The following UNC13B variants were observed in gnomAD, a reference collection of about 807,000 sequenced individuals.
UNC13B encodes protein unc-13 homolog B.
In UNC13B, 144 loss-of-function variants were observed where a neutral mutation model predicts 211.0. That is an observed-to-expected ratio of 0.68 (90% CI 0.60 to 0.78). The LOEUF (loss-of-function observed/expected upper bound fraction) is 0.78, where lower values mean the gene tolerates loss of function less well. Ranked by LOEUF, UNC13B falls within the 30% of genes least tolerant of loss-of-function variation. UNC13B has a pLI of 0.00. For synonymous variants in UNC13B, 709 were observed against 725.8 expected (o/e 0.98, Z 0.37); for missense variants, 1,777 against 2,002.0 (o/e 0.89, Z 2.14).
At position 35,323,605 on chromosome 9, in the gene UNC13B, G is replaced by A. The variant is rs183980879; in HGVS notation, c.9414+9616G>A. Among the ~76,000 whole-genome samples the A allele has an allele frequency of 2.2e-4, 34 of 152,180 alleles. No individual in the cohort carries two copies. The East Asian group carries it at 4.4e-3, about 20-fold the overall frequency. ...CCCTTGTTCTCAACAGACTGTTTTC[G>A]CCTTCTGAGAAACTGCAGTGCCTTT... On this transcript the variant is annotated intron_variant, in intron 11 of 39. Coordinates refer to ENST00000635942, the MANE Select transcript of UNC13B (RefSeq NM_001371189.2).
chr9:35,349,792 C>T (rs908026439), intron 11 of UNC13B, among the ~76,000 whole-genome samples: 2 of 152,188 alleles, frequency 1.3e-5, no homozygotes, highest in African/African-American at 4.8e-5. Context: ...CTGGTTCCTC[C>T]TAGTCTGGGG....
At chr9:35,277,611 A>G (rs1328887644) in intron 7 of UNC13B, among the ~76,000 whole-genome samples, 1 of 151,772 alleles carries the variant, frequency 6.6e-6, no homozygotes, top group African/African-American at 2.4e-5. Context: ...AGGCTTTTAT[A>G]TTTTCTCGGG....
chr9:35,389,679 T>TA (rs1017150841), intron 24 of UNC13B, among the ~76,000 whole-genome samples, 167 bp from the exon 25 acceptor site: 47 of 152,258 alleles, frequency 3.1e-4, no homozygotes, highest in African/African-American at 1.0e-3. Context: ...TAGTCACTCT[T>TA]ACAGAACAGG....
chr9:35,246,953 A>G (rs1826137990), intron 6 of UNC13B, among the ~76,000 whole-genome samples: 1 of 152,090 alleles, frequency 6.6e-6, no homozygotes, highest in South Asian at 2.1e-4. Context: ...CAGTATGGCC[A>G]TTTTCATGAT....
chr9:35,265,299 G>A (rs1824303015), intron 7 of UNC13B, among the ~76,000 whole-genome samples: 2 of 152,158 alleles, frequency 1.3e-5, no homozygotes, highest in Admixed American at 6.6e-5. Flanking sequence ...CAGGGCTGGG[G>A]CCCATTTAAG....
rs777626718 is a variant in UNC13B, at chr9:35,304,754, C to T, written c.5350C>T (p.Gln1784Ter). The change falls in exon 9 of 40, where the codon CAG becomes TAG. Residue 1784 changes from glutamine (Q) to a stop codon, truncating the protein, a stop_gained. Coordinates refer to ENST00000635942, the MANE Select transcript of UNC13B (RefSeq NM_001371189.2). LOFTEE classifies it high-confidence loss of function. ...LEALAMQKVN[Q>*]QSDLAELTND... Reference sequence around the variant, plus strand: ...GGCTTTGGCCATGCAGAAAGTGAATCAGCAGTCAGATTTAGCAGAGCTCAC... The same window carrying T: ...GGCTTTGGCCATGCAGAAAGTGAATTAGCAGTCAGATTTAGCAGAGCTCAC... 40 of 398,720 alleles carry T rather than the reference C, an allele frequency of 1.0e-4. No homozygotes were observed. The highest frequency in any genetic ancestry group is 1.6e-4 in the Non-Finnish European group (36 of 225,946). 24.7% of individuals were successfully genotyped at this position (398,720 alleles called of 1,614,324 possible).
chr9:35,169,141 A>C (rs1204399426), intron 1 of UNC13B, among the ~76,000 whole-genome samples: 1 of 152,216 alleles, frequency 6.6e-6, no homozygotes, highest in Non-Finnish European at 1.5e-5. Context: ...ACTTGCATCC[A>C]GGAGTTTGAG....
Position 35,307,762 on chromosome 9 carries a change from A to G in UNC13B, c.8358A>G (p.Pro2786=). 2.5e-6 allele frequency: 1 copy of G among 399,050 alleles called. No homozygotes were observed. The highest frequency in any genetic ancestry group is 4.4e-6 in the Non-Finnish European group (1 of 226,082). The allele number at this position is 399,050 out of a possible 1,614,324, so 24.7% of individuals were successfully genotyped here. The change falls in exon 9 of 40, where the codon CCA becomes CCG. Residue 2786 remains proline, a synonymous_variant. Coordinates refer to ENST00000635942, the MANE Select transcript of UNC13B (RefSeq NM_001371189.2). The part of the protein sequence containing the change: ...LPSSATNHGK[P]LSSFFSSPLP... Reference sequence around the variant, plus strand: ...CCTCTGCTACTAACCATGGGAAACCACTGAGCTCTTTCTTTTCCTCACCTC... The same window carrying G: ...CCTCTGCTACTAACCATGGGAAACCGCTGAGCTCTTTCTTTTCCTCACCTC...
At chr9:35,315,841 T>C (rs1830424211) in intron 11 of UNC13B, among the ~76,000 whole-genome samples, 2 of 152,226 alleles carry the variant, frequency 1.3e-5, no homozygotes, top group African/African-American at 2.4e-5. Flanking sequence ...TTCTTCAGTT[T>C]GGGTCCATTC....
rs571270548 is a variant in UNC13B at position 35,300,806 on chromosome 9, A to C, written c.1402A>C (p.Thr468Pro). 2.5e-6 allele frequency: 1 copy of C among 398,900 alleles called. No individual in the cohort carries two copies. The highest frequency in any genetic ancestry group is 1.3e-4 in the South Asian group (1 of 7,850). The allele number at this position is 398,900 out of a possible 1,614,324, so 24.7% of individuals were successfully genotyped here. ...TMDELQCLVETVSEYLAEKEE... is the reference protein window; with the variant it reads ...TMDELQCLVEPVSEYLAEKEE... ...GGATGAGCTTCAGTGTTTGGTAGAA[A>C]CGGTGTCAGAATATTTAGCAGAGAA... Residue 468 changes from threonine to proline, a missense_variant, in exon 9 of 40, where the codon ACG (threonine) becomes CCG (proline). Physicochemically the swap from Thr to Pro is conservative, Grantham distance 38 (BLOSUM62 -1). Coordinates refer to ENST00000635942, the MANE Select transcript of UNC13B (RefSeq NM_001371189.2).
Position 35,304,044 on chromosome 9 carries a change from C to A in UNC13B, c.4640C>A (p.Ser1547Tyr), listed in dbSNP as rs1829811060. ...GQYIYSLLTD[S>Y]TGQYAYLFIP... ...TATATCTATTCTCTTCTCACTGATT[C>A]TACTGGGCAGTATGCATATTTATTT... The change falls in exon 9 of 40, where the codon TCT becomes TAT. Residue 1547 changes from serine (S) to tyrosine (Y), a missense_variant. Physicochemically the swap from Ser to Tyr is moderately radical, Grantham distance 144 (BLOSUM62 -2). Transcript: ENST00000635942. 1 of 398,550 alleles carries A rather than the reference C, an allele frequency of 2.5e-6. No homozygotes were observed. Among genetic ancestry groups the A allele is most frequent in the Non-Finnish European group, 4.4e-6 (1 of 225,858 alleles). The allele number at this position is 398,550 out of a possible 1,614,324, so 24.7% of individuals were successfully genotyped here. A position where few individuals can be genotyped will look rare whatever the true frequency, so the allele number is the denominator to read the frequency against.
At chr9:35,195,272 A>G (rs1279267601) in intron 1 of UNC13B, among the ~76,000 whole-genome samples, 1 of 152,190 alleles carries the variant, frequency 6.6e-6, no homozygotes, top group Non-Finnish European at 1.5e-5. Context: ...GCTGCTTCTT[A>G]TTAAAAGGAA....
intron 21 of UNC13B, among the ~76,000 whole-genome samples, 165 bp from the exon 22 acceptor site, chr9:35,384,081 T>C (rs996796935): frequency 1.2e-4 from 19 of 152,200 alleles, no homozygotes; most frequent in Non-Finnish European, 1.5e-5. Context: ...TCTCATTTTT[T>C]CCGTTACACT....
intron 3 of UNC13B, among the ~76,000 whole-genome samples, chr9:35,235,821 A>C (rs2131526334): frequency 6.6e-6 from 1 of 152,342 alleles, no homozygotes; most frequent in Admixed American, 6.5e-5. Context: ...AGTTAACAAT[A>C]AAACATATAA....
chr9:35,288,922 G>A (rs1389447880), intron 7 of UNC13B, among the ~76,000 whole-genome samples: 2 of 85,558 alleles, frequency 2.3e-5, no homozygotes, highest in African/African-American at 6.6e-5. Context: ...GGTTCTATGT[G>A]ATTTTTTTTT....
intron 11 of UNC13B, among the ~76,000 whole-genome samples, chr9:35,356,829 C>T (rs1436173903): frequency 6.6e-6 from 1 of 152,124 alleles, no homozygotes; most frequent in Non-Finnish European, 1.5e-5. Context: ...ATGAATTTGC[C>T]TATTATGTAC....
chr9:35,291,610 G>T (rs1235559877), intron 7 of UNC13B, among the ~76,000 whole-genome samples: 1 of 152,192 alleles, frequency 6.6e-6, no homozygotes, highest in African/African-American at 2.4e-5. Flanking sequence ...ACCTGCTTTT[G>T]TTAAGGAAAC....
intron 3 of UNC13B, among the ~76,000 whole-genome samples, chr9:35,236,222 T>C (rs1378896239): frequency 6.6e-6 from 1 of 152,158 alleles, no homozygotes; most frequent in Non-Finnish European, 1.5e-5. Flanking sequence ...TATTGCTAAC[T>C]GGAGGCACTA....
At chr9:35,203,446 G>T (rs576123919) in intron 1 of UNC13B, among the ~76,000 whole-genome samples, 1 of 152,294 alleles carries the variant, frequency 6.6e-6, no homozygotes, top group South Asian at 2.1e-4. Flanking sequence ...GAAATTCTGG[G>T]TTGAAAATTC....
Sources: gnomAD v4.1 joint callset for allele counts (sites outside exome capture counted in the v4.1 genomes callset) on GRCh38, gnomAD v4.1.1 for gene constraint, MANE v1.5 for transcripts, NCBI Gene and HGNC (gene_info 2026-07-23, HGNC 2026-07-21) for gene names.